The following CACNA1C variants were observed in gnomAD, a reference collection of about 807,000 sequenced individuals.
CACNA1C encodes the protein voltage-dependent L-type calcium channel subunit alpha-1C.
CACNA1C carries 30 observed loss-of-function variants against 229.0 expected under a neutral mutation model. That is an observed-to-expected ratio of 0.13 (90% confidence interval 0.10 to 0.18). CACNA1C has a LOEUF of 0.18. CACNA1C is among the 10% of genes least tolerant of loss of function. The probability of loss-of-function intolerance (pLI) is 1.00; values close to 1 mark genes in which losing one functional copy is unlikely to be tolerated. For synonymous variants in CACNA1C, 1,114 were observed against 1,132.5 expected (o/e 0.98, Z 0.33); for missense variants, 1,658 against 2,845.0 (o/e 0.58, Z 9.49).
At chr12:2,463,101 C>CG (rs60152401) in intron 5 of CACNA1C, among the ~76,000 whole-genome samples, 152,036 of 152,060 alleles carry the variant, frequency 1, 76,006 homozygotes, top group Middle Eastern at 1. Flanking sequence ...TTAGTAGAGA[C>CG]GGGTTTCACC....
intron 1 of CACNA1C, among the ~76,000 whole-genome samples, chr12:2,065,328 C>G (rs1267388160): frequency 6.6e-6 from 1 of 152,210 alleles, no homozygotes; most frequent in Non-Finnish European, 1.5e-5. Context: ...GATAAGAAGC[C>G]TTTTCTAGGA....
chr12:2,519,898 CGTAAG>C (rs1352787291), intron 9 of CACNA1C, among the ~76,000 whole-genome samples: 2 of 152,196 alleles, frequency 1.3e-5, no homozygotes, highest in African/African-American at 2.4e-5. Flanking sequence ...TATCTGGCCC[CGTAAG>C]TGTACAAATG....
At chr12:2,066,479 T>C (rs538504792) in intron 1 of CACNA1C, among the ~76,000 whole-genome samples, 1 of 152,008 alleles carries the variant, frequency 6.6e-6, no homozygotes, top group African/African-American at 2.4e-5. Context: ...CATTGCTGAA[T>C]GGAGTCGTGA....
At chr12:2,124,175 C>T (rs1429815266) in intron 3 of CACNA1C, among the ~76,000 whole-genome samples, 3 of 148,748 alleles carry the variant, frequency 2.0e-5, no homozygotes, top group Non-Finnish European at 3.0e-5. Context: ...ACATCTATAC[C>T]AACAGATAGG....
At chr12:2,658,875 A>T (rs942102577) in intron 34 of CACNA1C, among the ~76,000 whole-genome samples, 1 of 152,130 alleles carries the variant, frequency 6.6e-6, no homozygotes, top group Non-Finnish European at 1.5e-5. Flanking sequence ...AAAAAAGTTC[A>T]ATATTAAAAA....
intron 1 of CACNA1C, among the ~76,000 whole-genome samples, chr12:2,113,809 G>A (rs2082718520): frequency 6.6e-6 from 1 of 152,234 alleles, no homozygotes. Context: ...CTAGAGCGAG[G>A]CATCCAGCCT....
intron 7 of CACNA1C, among the ~76,000 whole-genome samples, chr12:2,499,188 T>C (rs1412681201): frequency 1.3e-5 from 2 of 152,106 alleles, no homozygotes; most frequent in Non-Finnish European, 2.9e-5. Flanking sequence ...GTGACATAGA[T>C]TCTGAAAGCC....
In CACNA1C at chr12:2,095,378, C is replaced by T. The variant is rs537469521; in HGVS notation, c.50-19846C>T. On this transcript the variant is annotated intron_variant, in intron 1 of 46. Transcript: ENST00000399655. ...TCACAGAGATGATCGAGTGTTACAG[C>T]GTTTTTACAGCTCTAGGTTCTGCTC... Among the ~76,000 whole-genome samples the T allele has an allele frequency of 3.9e-5, 6 of 152,330 alleles. No individual in the cohort carries two copies. In the South Asian group the frequency reaches 8.3e-4, roughly 21 times the overall value.
chr12:2,447,170 C>T (rs1180379604), intron 3 of CACNA1C, among the ~76,000 whole-genome samples: 1 of 152,152 alleles, frequency 6.6e-6, no homozygotes, highest in Non-Finnish European at 1.5e-5. Flanking sequence ...GCTGTGTTGT[C>T]TCATGTTTTC....
At position 2,355,366 on chromosome 12, in the gene CACNA1C, C is replaced by T. The variant is rs373558340; in HGVS notation, c.478-93610C>T. 1.3e-4 allele frequency among the ~76,000 whole-genome samples: 20 copies of T among 151,008 alleles called. No individual in the cohort carries two copies. In the South Asian group the frequency reaches 4.0e-3, roughly 30 times the overall value. On this transcript the variant is annotated intron_variant, in intron 3 of 46. Transcript: ENST00000399655. ...TCCCCCATCCAGGACCTCCCACCCC[C>T]CCACATTTCCTCAGTGGAAGGCTGC...
intron 9 of CACNA1C, among the ~76,000 whole-genome samples, chr12:2,530,769 A>T (rs1408927634): frequency 6.6e-6 from 1 of 152,158 alleles, no homozygotes; most frequent in Non-Finnish European, 1.5e-5. Context: ...TGGGTAAGTG[A>T]CCGTTAACAC....
chr12:1,987,303 T>A (rs1315586666), intron 1 of CACNA1C, among the ~76,000 whole-genome samples: 1 of 152,234 alleles, frequency 6.6e-6, no homozygotes. Flanking sequence ...ACTAGTATGC[T>A]ACTCTTAAAC....
At chr12:2,556,157 T>TTC (rs1225646402) in intron 10 of CACNA1C, among the ~76,000 whole-genome samples, 1 of 152,144 alleles carries the variant, frequency 6.6e-6, no homozygotes, top group African/African-American at 2.4e-5. Context: ...TGGCTCAGCC[T>TTC]TCTCTCCTCC....
chr12:2,640,764 T>A (rs1278960307), intron 30 of CACNA1C, among the ~76,000 whole-genome samples: 1 of 152,156 alleles, frequency 6.6e-6, no homozygotes, highest in East Asian at 1.9e-4. Context: ...CAACTTCCTA[T>A]AACTGTCACT....
At chr12:2,017,437 G>C (rs939794818) in intron 1 of CACNA1C, among the ~76,000 whole-genome samples, 1 of 152,174 alleles carries the variant, frequency 6.6e-6, no homozygotes, top group African/African-American at 2.4e-5. Context: ...AATGATACAA[G>C]ATAACTGATC....
At chr12:2,581,977 A>G (rs1458996721) in intron 14 of CACNA1C, among the ~76,000 whole-genome samples, 180 bp downstream of exon 14, 1 of 151,254 alleles carries the variant, frequency 6.6e-6, no homozygotes, top group Non-Finnish European at 1.5e-5. Context: ...CCCATCTGCC[A>G]TGGAATTCCA....
intron 3 of CACNA1C, among the ~76,000 whole-genome samples, chr12:2,220,168 T>G (rs1300907227): frequency 1.3e-5 from 2 of 152,172 alleles, no homozygotes; most frequent in African/African-American, 4.8e-5. Flanking sequence ...AGCATGTATA[T>G]AGAGTCAGAT....
At chr12:2,472,013 T>G (rs2154567964) in intron 5 of CACNA1C, among the ~76,000 whole-genome samples, 2 of 152,338 alleles carry the variant, frequency 1.3e-5, no homozygotes. Context: ...GCACATAATG[T>G]TTCTTCCTTT....
chr12:2,430,229 G>T (rs1434791605), intron 3 of CACNA1C, among the ~76,000 whole-genome samples: 1 of 152,144 alleles, frequency 6.6e-6, no homozygotes, highest in Non-Finnish European at 1.5e-5. Flanking sequence ...TACCTTGGGG[G>T]TTAGGATTTC....
Sources: allele counts gnomAD v4.1 joint callset (sites outside exome capture counted in the v4.1 genomes callset), GRCh38; gene constraint gnomAD v4.1.1; transcripts MANE v1.5; gene names NCBI Gene and HGNC (gene_info 2026-07-23, HGNC 2026-07-21).